The following CCNY variants were observed in gnomAD, a reference collection of about 807,000 sequenced individuals.
CCNY encodes the protein cyclin Y.
Under a neutral mutation model 42.8 loss-of-function variants are expected in CCNY, and 19 were observed. The observed-to-expected ratio is 0.44, with a 90% CI of 0.31 to 0.65. CCNY has a LOEUF of 0.65. Ranked by LOEUF, CCNY falls within the 30% of genes least tolerant of loss-of-function variation. The pLI is 0.07. For missense variants in CCNY, 370 were observed against 437.3 expected (o/e 0.85, Z 1.37); for synonymous variants, 165 against 162.7 (o/e 1.01, Z -0.11).
intron 1 of CCNY, among the ~76,000 whole-genome samples, chr10:35,423,353 T>C (rs1838199294): frequency 6.6e-6 from 1 of 151,958 alleles, no homozygotes. Flanking sequence ...CGCGCACCTG[T>C]ATTCTCAACT....
At chr10:35,317,774 C>T (rs889861057) in intron 3 of CCNY, among the ~76,000 whole-genome samples, 1 of 152,180 alleles carries the variant, frequency 6.6e-6, no homozygotes, top group Admixed American at 6.5e-5. Flanking sequence ...AGTGAAGACT[C>T]ACTTTGTCTT....
At chr10:35,420,636 G>A (rs997187949) in intron 1 of CCNY, among the ~76,000 whole-genome samples, 8 of 152,158 alleles carry the variant, frequency 5.3e-5, no homozygotes, top group Non-Finnish European at 7.4e-5. Flanking sequence ...TGAGGAAGTC[G>A]CAATCTCACA....
At chr10:35,256,452 A>C (rs1430848550) in intron 3 of CCNY, among the ~76,000 whole-genome samples, 1 of 152,018 alleles carries the variant, frequency 6.6e-6, no homozygotes, top group African/African-American at 2.4e-5. Flanking sequence ...CTTAACATAC[A>C]AGGCTGGGCG....
chr10:35,407,708 G>GAGA (rs1324588923), intron 1 of CCNY, among the ~76,000 whole-genome samples: 1 of 152,092 alleles, frequency 6.6e-6, no homozygotes, highest in Non-Finnish European at 1.5e-5. Context: ...CAGGCTAAGG[G>GAGA]AGAAGAAGGA....
intron 3 of CCNY, among the ~76,000 whole-genome samples, chr10:35,274,704 G>A (rs1175218848): frequency 1.3e-5 from 2 of 152,158 alleles, no homozygotes; most frequent in African/African-American, 4.8e-5. Context: ...ACGAAGTCCC[G>A]AGGGAAGACT....
intron 3 of CCNY, chr10:35,314,788 T>C (rs1258539776): frequency 6.6e-6 from 1 of 152,096 alleles, no homozygotes; most frequent in African/African-American, 2.4e-5. Context: ...CCCATTAATA[T>C]TAAATAACTT....
chr10:35,491,310 T>C (rs566415283), intron 2 of CCNY, among the ~76,000 whole-genome samples: 1 of 152,308 alleles, frequency 6.6e-6, no homozygotes, highest in South Asian at 2.1e-4. Context: ...AGAAGATTGC[T>C]CTCCTGAAGC....
intron 3 of CCNY, among the ~76,000 whole-genome samples, chr10:35,510,081 C>CT (rs1323863954): frequency 6.6e-6 from 1 of 152,106 alleles, no homozygotes; most frequent in Admixed American, 6.5e-5. Context: ...CCTGCCTCCT[C>CT]TATCAAGGTC....
chr10:35,294,491 T>C (rs145443660), intron 3 of CCNY, among the ~76,000 whole-genome samples: 3,349 of 152,348 alleles, frequency 0.022, 57 homozygotes, highest in Admixed American at 0.032. Context: ...CATCAAATGC[T>C]TTTTTTCTAC....
intron 3 of CCNY, among the ~76,000 whole-genome samples, chr10:35,308,621 G>A (rs1363981499): frequency 6.6e-6 from 1 of 152,114 alleles, no homozygotes; most frequent in Non-Finnish European, 1.5e-5. Flanking sequence ...GTGGAGGGCA[G>A]GGACCCAATG....
In CCNY at chr10:35,340,230, T is replaced by C. The variant is rs192824974; in HGVS notation, c.154+3023T>C. The stretch of plus-strand genomic sequence containing the variant: ...TTTCCATTGTTGCTTGACTTAGCCA[T>C]CAAACGTTAGCTAGTCTGGGGTTGC... On this transcript the variant is annotated intron_variant, in intron 1 of 9. Coordinates refer to ENST00000374704, the MANE Select transcript of CCNY (RefSeq NM_145012.6). 7.2e-5 allele frequency among the ~76,000 whole-genome samples: 11 copies of C among 152,300 alleles called. No individual in the cohort carries two copies. In the East Asian group the frequency reaches 1.5e-3, roughly 21 times the overall value.
At chr10:35,369,008 G>A (rs1243068154) in intron 1 of CCNY, among the ~76,000 whole-genome samples, 1 of 152,216 alleles carries the variant, frequency 6.6e-6, no homozygotes, top group Non-Finnish European at 1.5e-5. Flanking sequence ...GGAAGGAGCA[G>A]CAGTAACCTG....
At chr10:35,404,777 C>G (rs751882375) in intron 1 of CCNY, among the ~76,000 whole-genome samples, 1 of 152,058 alleles carries the variant, frequency 6.6e-6, no homozygotes, top group Middle Eastern at 3.2e-3. Context: ...AGGGAGAACA[C>G]GTATGTTTTA....
At position 35,393,722 on chromosome 10, in the gene CCNY, G is replaced by T. The variant is rs574046656; in HGVS notation, c.154+56515G>T. Among the ~76,000 whole-genome samples, 7 of 152,210 alleles carry T rather than the reference G, an allele frequency of 4.6e-5. No homozygotes were observed. In the South Asian group the frequency reaches 1.5e-3, roughly 32 times the overall value. ...CCAGGCCATTTTCTCCAGGCTTTTA[G>T]TGCATGGCGAAGGCATCATTGGATG... On this transcript the variant is annotated intron_variant, in intron 1 of 9. Transcript: ENST00000374704.
rs564647871 is a variant in CCNY, at chr10:35,451,431, A to T, written c.155-31973A>T. 4.1e-4 allele frequency among the ~76,000 whole-genome samples: 63 copies of T among 152,314 alleles called. 1 individual carries two copies. Among genetic ancestry groups the T allele is most frequent in the South Asian group, 8.3e-4 (4 of 4,828 alleles). The stretch of plus-strand genomic sequence containing the variant: ...GACCAGAATGGGTGGGTCATTTTCC[A>T]TGTCGTCTTAAAATGACTGGAAAGT... On this transcript the variant is annotated intron_variant, in intron 1 of 9. Coordinates refer to ENST00000374704, the MANE Select transcript of CCNY (RefSeq NM_145012.6).
rs1011279706 is a variant in CCNY, at chr10:35,322,462, A to C, written c.-9+71836A>C. Among the ~76,000 whole-genome samples, 117 of 152,288 alleles carry C rather than the reference A, an allele frequency of 7.7e-4. 1 individual carries two copies. Among genetic ancestry groups the C allele is most frequent in the South Asian group, 2.5e-3 (12 of 4,830 alleles). On this transcript the variant is annotated intron_variant, in intron 3 of 11. Coordinates refer to the CCNY transcript ENST00000374706. ...TTAGATAATTGAATACACACACACAAAAAAACAAAAAAAGACAAGAGCTAT... is the reference window on the plus strand; with the variant it reads ...TTAGATAATTGAATACACACACACACAAAAACAAAAAAAGACAAGAGCTAT...
chr10:35,505,158 A>AG (rs1240819728), intron 3 of CCNY, among the ~76,000 whole-genome samples: 19 of 152,028 alleles, frequency 1.2e-4, no homozygotes, highest in Non-Finnish European at 5.9e-5. Flanking sequence ...CTGAAAAAAA[A>AG]AAATCACTCC....
intron 7 of CCNY, among the ~76,000 whole-genome samples, chr10:35,550,564 C>T (rs573791802): frequency 1.3e-5 from 2 of 152,234 alleles, no homozygotes; most frequent in South Asian, 4.1e-4. Flanking sequence ...GCTGCTTCTC[C>T]TGCCCCTCCA....
At chr10:35,507,049 T>C (rs1288302045) in intron 3 of CCNY, among the ~76,000 whole-genome samples, 2 of 152,186 alleles carry the variant, frequency 1.3e-5, no homozygotes, top group Admixed American at 1.3e-4. Context: ...CACTGTGCAT[T>C]CTACTTGTCA....
Sources: gnomAD v4.1 joint callset for allele counts (sites outside exome capture counted in the v4.1 genomes callset) on GRCh38, gnomAD v4.1.1 for gene constraint, MANE v1.5 for transcripts, NCBI Gene and HGNC (gene_info 2026-07-23, HGNC 2026-07-21) for gene names.